SESTD1: variants seen among roughly 807,000 people sequenced by gnomAD.
SESTD1 encodes SEC14 and spectrin domain containing 1.
Under a neutral mutation model 101.7 loss-of-function variants are expected in SESTD1, and 43 were observed. The ratio of observed to expected loss-of-function variants is 0.42; its 90% CI spans 0.33 to 0.55. The LOEUF (loss-of-function observed/expected upper bound fraction) is 0.55, where lower values mean the gene tolerates loss of function less well. Ranked by LOEUF, SESTD1 falls within the 20% of genes least tolerant of loss-of-function variation. SESTD1 has a pLI of 0.07. For missense variants in SESTD1, 647 were observed against 815.1 expected (o/e 0.79, Z 2.51); for synonymous variants, 283 against 286.8 (o/e 0.99, Z 0.13).
chr2:179,200,510 G>A (rs2046490616), intron 1 of SESTD1, among the ~76,000 whole-genome samples: 1 of 152,002 alleles, frequency 6.6e-6, no homozygotes, highest in African/African-American at 2.4e-5. Flanking sequence ...CACATTACCT[G>A]ACTTTAAACT....
chr2:179,237,576 T>C (rs2047087405), intron 1 of SESTD1, among the ~76,000 whole-genome samples: 1 of 152,160 alleles, frequency 6.6e-6, no homozygotes, highest in Admixed American at 6.6e-5. Flanking sequence ...ATAAGACAAA[T>C]GGCTAAGTTT....
chr2:179,225,694 A>G (rs577882234), intron 1 of SESTD1, among the ~76,000 whole-genome samples: 1 of 152,232 alleles, frequency 6.6e-6, no homozygotes, highest in Admixed American at 6.5e-5. Context: ...TTGCAGAAAG[A>G]TGGGAGGGCA....
At chr2:179,253,035 C>A (rs1016326369) in intron 1 of SESTD1, among the ~76,000 whole-genome samples, 1 of 152,092 alleles carries the variant, frequency 6.6e-6, no homozygotes, top group African/African-American at 2.4e-5. Context: ...AGAAGAGAGG[C>A]ATAAAATACA....
At chr2:179,241,437 A>G (rs1403620088) in intron 1 of SESTD1, among the ~76,000 whole-genome samples, 1 of 152,160 alleles carries the variant, frequency 6.6e-6, no homozygotes, top group Non-Finnish European at 1.5e-5. Flanking sequence ...TTTGAAAACT[A>G]AGGACAAAGA....
chr2:179,176,381 G>T, intron 4 of SESTD1, 67 bp downstream of exon 4: 1 of 1,211,292 alleles, frequency 8.3e-7, no homozygotes, highest in South Asian at 1.3e-5. Context: ...AAATGCATTT[G>T]CCATTTTCAC....
intron 13 of SESTD1, among the ~76,000 whole-genome samples, chr2:179,118,099 T>C (rs1014945834): frequency 2.6e-5 from 4 of 151,978 alleles, no homozygotes; most frequent in Admixed American, 6.6e-5. Context: ...GCCTCCCAAG[T>C]AGCTAAGACT....
intron 4 of SESTD1, among the ~76,000 whole-genome samples, chr2:179,175,642 CCT>C (rs1055948896): frequency 1.3e-5 from 2 of 152,142 alleles, no homozygotes; most frequent in African/African-American, 4.8e-5. Flanking sequence ...TAAAATTTTA[CCT>C]CTCTAGAAGC....
intron 1 of SESTD1, among the ~76,000 whole-genome samples, chr2:179,199,365 C>T (rs1412982329): frequency 2.6e-5 from 4 of 152,176 alleles, no homozygotes; most frequent in Non-Finnish European, 4.4e-5. Context: ...CAGCTGAATT[C>T]TACCAGAGGT....
intron 13 of SESTD1, among the ~76,000 whole-genome samples, chr2:179,118,856 G>A (rs1033321481): frequency 6.6e-5 from 10 of 152,104 alleles, no homozygotes; most frequent in Non-Finnish European, 1.2e-4. Context: ...AGAGTAGGGA[G>A]GAGCAAGTGA....
chr2:179,139,393 A>G (rs183455074), intron 9 of SESTD1, among the ~76,000 whole-genome samples: 1 of 152,266 alleles, frequency 6.6e-6, no homozygotes, highest in East Asian at 1.9e-4. Context: ...CCGCCCCTAT[A>G]AACTTTATAA....
At chr2:179,198,390 G>A (rs554471364) in intron 1 of SESTD1, among the ~76,000 whole-genome samples, 48 of 152,296 alleles carry the variant, frequency 3.2e-4, no homozygotes, top group Admixed American at 2.0e-3. Flanking sequence ...ACATTAGACA[G>A]ATCAATGACA....
At position 179,102,605 on chromosome 2, in the gene SESTD1, A is replaced by C. The variant is rs2044295031; in HGVS notation, c.*7294T>G. On this transcript the variant is annotated 3_prime_UTR_variant, in exon 18 of 18. Transcript: ENST00000428443. ...AGAAGCCAAATTTCCCAGCCCTTAAAATTTTAATAGGAAAAATCGAATAAA... is the reference window on the plus strand; with the variant it reads ...AGAAGCCAAATTTCCCAGCCCTTAACATTTTAATAGGAAAAATCGAATAAA... 1 of 152,130 alleles carries C rather than the reference A, an allele frequency of 6.6e-6. No homozygotes were observed. The highest frequency in any genetic ancestry group is 6.6e-5 in the Admixed American group (1 of 15,244). 9.4% of individuals were successfully genotyped at this position (152,130 alleles called of 1,614,324 possible). A position where few individuals can be genotyped will look rare whatever the true frequency, so the allele number is the denominator to read the frequency against.
intron 1 of SESTD1, among the ~76,000 whole-genome samples, chr2:179,221,917 C>T (rs2046821034): frequency 6.6e-6 from 1 of 150,574 alleles, no homozygotes; most frequent in Non-Finnish European, 1.5e-5. Flanking sequence ...TAGACCCTGT[C>T]TCAAAAAAAA....
chr2:179,172,620 A>G (rs2045946397), intron 4 of SESTD1, among the ~76,000 whole-genome samples: 2 of 152,194 alleles, frequency 1.3e-5, no homozygotes, highest in African/African-American at 4.8e-5. Flanking sequence ...AATTTCTTCA[A>G]AAGACGTAAA....
chr2:179,222,131 C>T lies in SESTD1; in HGVS notation c.-25-30265G>A, dbSNP rs989997177. 5.3e-5 allele frequency among the ~76,000 whole-genome samples: 8 copies of T among 152,026 alleles called. No homozygotes were observed. In the East Asian group the frequency reaches 1.2e-3, roughly 22 times the overall value. On this transcript the variant is annotated intron_variant, in intron 1 of 17. Coordinates refer to ENST00000428443, the MANE Select transcript of SESTD1 (RefSeq NM_178123.5). ...TTTTCTCTCTCATAAGGACTGTAAG[C>T]GATATTAGCTATCTATCCCAAAAAA...
intron 2 of SESTD1, 87 bp downstream of exon 2, chr2:179,191,700 A>T (rs2046322537): frequency 9.0e-7 from 1 of 1,114,858 alleles, no homozygotes; most frequent in African/African-American, 1.6e-5. Flanking sequence ...TTTCATTAAA[A>T]AAAAATGCAT....
rs1370103086 is a variant in SESTD1, at chr2:179,122,079, T to G, written c.1283-150A>C. On this transcript the variant is annotated intron_variant, in intron 12 of 17. Transcript: ENST00000428443. ...CTTGGGATGGAATCCCAAGACTCCA[T>G]CCTATGAACATTTCAAGCAATAAAA... 4 of 551,114 alleles carry G rather than the reference T, an allele frequency of 7.3e-6. No homozygotes were observed. The Admixed American group carries it at 1.2e-4, about 17-fold the overall frequency. The allele number at this position is 551,114 out of a possible 1,614,324, so 34.1% of individuals were successfully genotyped here. A position where few individuals can be genotyped will look rare whatever the true frequency, so the allele number is the denominator to read the frequency against.
At chr2:179,192,062 A>G (rs1431024737) in intron 1 of SESTD1, among the ~76,000 whole-genome samples, 196 bp from the exon 2 acceptor site, 1 of 152,132 alleles carries the variant, frequency 6.6e-6, no homozygotes, top group Non-Finnish European at 1.5e-5. Flanking sequence ...TCTACTCACT[A>G]AAAACCAATA....
intron 9 of SESTD1, among the ~76,000 whole-genome samples, chr2:179,139,016 A>AT (rs764490975): frequency 8.6e-5 from 13 of 151,572 alleles, no homozygotes; most frequent in Admixed American, 3.3e-4. Flanking sequence ...TGTAATCCTC[A>AT]TTTTTTTCCT....
Sources: gnomAD v4.1 joint callset for allele counts (sites outside exome capture counted in the v4.1 genomes callset) on GRCh38, gnomAD v4.1.1 for gene constraint, MANE v1.5 for transcripts, NCBI Gene and HGNC (gene_info 2026-07-23, HGNC 2026-07-21) for gene names.